The following FAT3 variants were observed in gnomAD, a reference collection of about 807,000 sequenced individuals.
The protein encoded by FAT3 is protocadherin Fat 3.
Under a neutral mutation model 310.2 loss-of-function variants are expected in FAT3, and 95 were observed. The observed-to-expected ratio is 0.31, with a 90% CI of 0.26 to 0.36. The LOEUF (loss-of-function observed/expected upper bound fraction) is 0.36, where lower values mean the gene tolerates loss of function less well. Among genes scored for constraint, FAT3 ranks in the 10% least tolerant of loss-of-function variants. FAT3 has a pLI of 1.00. For missense variants in FAT3, 5,408 were observed against 5,715.6 expected (o/e 0.95, Z 1.74); for synonymous variants, 2,314 against 2,192.9 (o/e 1.06, Z -1.54).
At chr11:92,640,049 C>T (rs751764796) in intron 3 of FAT3, among the ~76,000 whole-genome samples, 20 of 152,132 alleles carry the variant, frequency 1.3e-4, no homozygotes, top group Non-Finnish European at 2.8e-4. Context: ...ATTTTAATAC[C>T]TTTCAGTTCC....
chr11:92,265,251 G>C (rs2134318136), intron 1 of FAT3, among the ~76,000 whole-genome samples: 1 of 151,556 alleles, frequency 6.6e-6, no homozygotes, highest in Non-Finnish European at 1.5e-5. Context: ...GACTAGACTA[G>C]GAACAAAAAT....
At chr11:92,831,564 T>C in intron 13 of FAT3, 58 bp from the exon 14 acceptor site, 1 of 1,462,438 alleles carries the variant, frequency 6.8e-7, no homozygotes, top group African/African-American at 1.4e-5. Context: ...TGTAACATTC[T>C]AGTGCAGATC....
chr11:92,241,087 G>A (rs1864654587), intron 1 of FAT3, among the ~76,000 whole-genome samples: 1 of 152,102 alleles, frequency 6.6e-6, no homozygotes. Context: ...ATGCAAATGA[G>A]ATTCAAGGAG....
chr11:92,471,128 T>A (rs1181981050), intron 2 of FAT3, among the ~76,000 whole-genome samples: 3 of 152,220 alleles, frequency 2.0e-5, no homozygotes, highest in African/African-American at 7.2e-5. Context: ...ATGACTATTA[T>A]TTAAGATCAG....
intron 1 of FAT3, among the ~76,000 whole-genome samples, chr11:92,245,635 T>A (rs2134263478): frequency 6.6e-6 from 1 of 152,284 alleles, no homozygotes; most frequent in East Asian, 1.9e-4. Context: ...TATTTTAGCC[T>A]TTGTGGGCCA....
chr11:92,458,947 T>C (rs1951568859), intron 2 of FAT3, among the ~76,000 whole-genome samples: 1 of 152,230 alleles, frequency 6.6e-6, no homozygotes, highest in South Asian at 2.1e-4. Flanking sequence ...GATAACTGTT[T>C]GGTAAATTTG....
chr11:92,874,767 G>A (rs182737206), intron 22 of FAT3, among the ~76,000 whole-genome samples: 5 of 152,206 alleles, frequency 3.3e-5, no homozygotes, highest in South Asian at 2.1e-4. Context: ...TCAAACCCCC[G>A]AACTCAGGTG....
Position 92,353,843 on chromosome 11 carries a change from C to T in FAT3, c.1731C>T (p.Leu577=). Residue 577 remains leucine, a synonymous_variant, in exon 2 of 28, where the codon CTC becomes CTT. Coordinates refer to ENST00000525166, the MANE Select transcript of FAT3 (RefSeq NM_001367949.2). The part of the protein sequence containing the change: ...RIGNVNDNSP[L]FEKVACQGVI... ...GAAATGTCAACGACAACAGCCCTCTCTTTGAAAAAGTGGCTTGCCAGGGAG... is the reference window on the plus strand; with the variant it reads ...GAAATGTCAACGACAACAGCCCTCTTTTTGAAAAAGTGGCTTGCCAGGGAG... The T allele has an allele frequency of 6.2e-7, 1 of 1,613,740 alleles. No individual in the cohort carries two copies. Among genetic ancestry groups the T allele is most frequent in the Middle Eastern group, 1.6e-4 (1 of 6,062 alleles).
intron 2 of FAT3, among the ~76,000 whole-genome samples, chr11:92,469,972 A>G (rs923101730): frequency 3.3e-5 from 5 of 152,172 alleles, no homozygotes; most frequent in African/African-American, 9.6e-5. Flanking sequence ...ATATTATCCA[A>G]TCATGCTCCA....
chr11:92,353,110 A>T lies in FAT3; in HGVS notation c.998A>T (p.Asp333Val). 6.2e-7 allele frequency: 1 copy of T among 1,613,738 alleles called. No individual in the cohort carries two copies. The change falls in exon 2 of 28, where the codon GAC (aspartate) becomes GTC (valine). Residue 333 changes from aspartate to valine, a missense_variant. Physicochemically the swap from Asp to Val is radical, Grantham distance 152. This residue lies in a region of FAT3 where 4,588 missense variants were observed against 4,809.8 expected (regional missense o/e 0.95). Transcript: ENST00000525166. ...EYKIKERKQIDWESFPYGYNL... is the reference protein window; with the variant it reads ...EYKIKERKQIVWESFPYGYNL... ...AAGATTAAGGAGAGGAAGCAGATTG[A>T]CTGGGAGAGCTTTCCCTATGGCTAC...
chr11:92,361,843 C>T (rs530573194), intron 2 of FAT3, among the ~76,000 whole-genome samples: 1 of 152,334 alleles, frequency 6.6e-6, no homozygotes, highest in East Asian at 1.9e-4. Context: ...TAAGGCACTG[C>T]ACCAGGCACT....
chr11:92,830,715 TGC>T (rs1948223064), intron 13 of FAT3, among the ~76,000 whole-genome samples: 1 of 152,110 alleles, frequency 6.6e-6, no homozygotes, highest in Non-Finnish European at 1.5e-5. Context: ...CTAGTCTTTC[TGC>T]AGCCCTCCCC....
At chr11:92,777,932 G>A (rs1946637820) in intron 7 of FAT3, among the ~76,000 whole-genome samples, 1 of 151,938 alleles carries the variant, frequency 6.6e-6, no homozygotes, top group Non-Finnish European at 1.5e-5. Context: ...TGCCTCACAT[G>A]TTGCTGTGAG....
At chr11:92,865,775 A>G (rs917120457) in intron 21 of FAT3, among the ~76,000 whole-genome samples, 2 of 152,234 alleles carry the variant, frequency 1.3e-5, no homozygotes, top group Non-Finnish European at 2.9e-5. Context: ...TGGAGGGCCA[A>G]TCCCTGCTCT....
At chr11:92,710,132 C>T (rs1037512523) in intron 4 of FAT3, among the ~76,000 whole-genome samples, 1 of 152,130 alleles carries the variant, frequency 6.6e-6, no homozygotes, top group Non-Finnish European at 1.5e-5. Flanking sequence ...TTAAAAAATG[C>T]ATAAGTACTC....
intron 3 of FAT3, among the ~76,000 whole-genome samples, chr11:92,569,379 A>C (rs976537323): frequency 5.9e-5 from 9 of 152,226 alleles, no homozygotes; most frequent in African/African-American, 1.4e-4. Flanking sequence ...TAGTCTATGC[A>C]ATCACACATA....
intron 1 of FAT3, among the ~76,000 whole-genome samples, chr11:92,234,582 C>T (rs974290232): frequency 6.6e-6 from 1 of 151,808 alleles, no homozygotes; most frequent in African/African-American, 2.4e-5. Flanking sequence ...GCCTGGCCAA[C>T]ATATAGTGAA....
chr11:92,767,284 C>T (rs977358602), intron 6 of FAT3, among the ~76,000 whole-genome samples: 2 of 151,042 alleles, frequency 1.3e-5, no homozygotes, highest in Non-Finnish European at 2.9e-5. Context: ...AAGGAGAATG[C>T]AGCAGAAACC....
rs1235347921 is a variant in FAT3, at chr11:92,485,205, G to T, written c.3293-39429G>T. Among the ~76,000 whole-genome samples the T allele has an allele frequency of 2.0e-5, 3 of 152,184 alleles. No individual in the cohort carries two copies. In the East Asian group the frequency reaches 5.8e-4, roughly 29 times the overall value. ...AGGCCATTATTTAATTTAAACCCCT[G>T]GGAATTCTAGTATTGGTTTATATAT... On this transcript the variant is annotated intron_variant, in intron 2 of 27. Coordinates refer to ENST00000525166, the MANE Select transcript of FAT3 (RefSeq NM_001367949.2).
Sources: gnomAD v4.1 joint callset for allele counts (sites outside exome capture counted in the v4.1 genomes callset) on GRCh38, gnomAD v4.1.1 for gene constraint, gnomAD v4.1.1 regional missense constraint, MANE v1.5 for transcripts, NCBI Gene and HGNC (gene_info 2026-07-23, HGNC 2026-07-21) for gene names.